ARB2A: variants seen among roughly 807,000 people sequenced by gnomAD.
ARB2A encodes the protein cotranscriptional regulator ARB2A.
the ARB2A span, among the ~76,000 whole-genome samples, chr5:93,829,192 C>A: frequency 1.1e-3 from 172 of 152,272 alleles, no homozygotes; most frequent in African/African-American, 3.4e-3. Flanking sequence ...TTCACCATTG[C>A]CCTACAAAAT....
At chr5:94,052,507 T>C in the ARB2A span, among the ~76,000 whole-genome samples, 45 of 152,224 alleles carry the variant, frequency 3.0e-4, no homozygotes, top group Middle Eastern at 3.4e-3. Flanking sequence ...GAACAACCAA[T>C]AGAAAACTAC....
chr5:94,036,140 T>C, the ARB2A span, among the ~76,000 whole-genome samples: 5 of 152,214 alleles, frequency 3.3e-5, no homozygotes, highest in South Asian at 2.1e-4. Flanking sequence ...TTTGAAGTAT[T>C]TTCTTTTTCT....
chr5:94,035,272 T>C, the ARB2A span, among the ~76,000 whole-genome samples: 1 of 109,200 alleles, frequency 9.2e-6, no homozygotes, highest in Non-Finnish European at 1.9e-5. Flanking sequence ...TATGTATGCA[T>C]TGCTACTAGG....
the ARB2A span, among the ~76,000 whole-genome samples, chr5:94,002,662 C>T: frequency 1.3e-5 from 2 of 151,808 alleles, no homozygotes; most frequent in Non-Finnish European, 2.9e-5. Flanking sequence ...AGAATAGTAA[C>T]TTCCAAACTT....
the ARB2A span, among the ~76,000 whole-genome samples, chr5:93,702,170 C>T: frequency 6.6e-6 from 1 of 152,148 alleles, no homozygotes; most frequent in African/African-American, 2.4e-5. Context: ...ACAGTAAAGA[C>T]CGTAACTTAT....
the ARB2A span, among the ~76,000 whole-genome samples, chr5:93,901,592 T>C: frequency 6.6e-6 from 1 of 152,104 alleles, no homozygotes; most frequent in Non-Finnish European, 1.5e-5. Context: ...TTTATAAAGT[T>C]TTCAATTGCA....
chr5:94,035,149 G>T, the ARB2A span, among the ~76,000 whole-genome samples: 1 of 151,074 alleles, frequency 6.6e-6, no homozygotes, highest in Admixed American at 6.6e-5. Flanking sequence ...TCTCCAAGGA[G>T]CCCTGGCTTT....
the ARB2A span, among the ~76,000 whole-genome samples, chr5:93,976,545 T>C: frequency 2.6e-5 from 4 of 152,218 alleles, no homozygotes; most frequent in East Asian, 7.7e-4. Context: ...AGTTTCCCCC[T>C]TTCTGTTCTC....
the ARB2A span, among the ~76,000 whole-genome samples, chr5:94,009,140 T>C: frequency 6.6e-6 from 1 of 152,078 alleles, no homozygotes; most frequent in South Asian, 2.1e-4. Flanking sequence ...AATATGACTT[T>C]CAGAGAATAA....
chr5:93,759,778 A>T, the ARB2A span, among the ~76,000 whole-genome samples: 1 of 152,212 alleles, frequency 6.6e-6, no homozygotes. Flanking sequence ...TGACACACCC[A>T]CAGCCAACAT....
chr5:93,866,647 C>T, the ARB2A span, among the ~76,000 whole-genome samples: 12 of 152,200 alleles, frequency 7.9e-5, no homozygotes, highest in African/African-American at 2.6e-4. Context: ...CATATACAGA[C>T]GGCCTACTTT....
At chr5:94,108,058 C>T in the ARB2A span, among the ~76,000 whole-genome samples, 1 of 152,140 alleles carries the variant, frequency 6.6e-6, no homozygotes, top group Non-Finnish European at 1.5e-5. Context: ...TGAAATCAAA[C>T]TGCTACACTG....
chr5:93,764,364 G>C, the ARB2A span, among the ~76,000 whole-genome samples: 26 of 152,188 alleles, frequency 1.7e-4, no homozygotes, highest in South Asian at 3.9e-3. Context: ...TGATAAAGGG[G>C]ATATCACCAC....
the ARB2A span, among the ~76,000 whole-genome samples, chr5:93,987,265 A>G: frequency 0.16 from 24,826 of 152,180 alleles, 2,602 homozygotes; most frequent in Non-Finnish European, 0.23. Context: ...AAGGAATAAT[A>G]AAAGAAGGAA....
the ARB2A span, among the ~76,000 whole-genome samples, chr5:93,884,291 T>A: frequency 5.3e-5 from 8 of 151,742 alleles, no homozygotes; most frequent in African/African-American, 1.9e-4. Flanking sequence ...AAACTTCAAT[T>A]TTTAGAAATC....
At chr5:93,996,103 A>T in the ARB2A span, among the ~76,000 whole-genome samples, 2 of 151,918 alleles carry the variant, frequency 1.3e-5, no homozygotes, top group Non-Finnish European at 2.9e-5. Context: ...CAACCACATC[A>T]CTTCTGAAAT....
chr5:93,634,320 A>G, the ARB2A span, among the ~76,000 whole-genome samples: 1 of 151,976 alleles, frequency 6.6e-6, no homozygotes, highest in Non-Finnish European at 1.5e-5. Flanking sequence ...GAATCGCTGG[A>G]ACCCAGGAGG....
chr5:93,851,898 G>C, the ARB2A span, among the ~76,000 whole-genome samples: 12 of 152,146 alleles, frequency 7.9e-5, no homozygotes, highest in Non-Finnish European at 1.8e-4. Flanking sequence ...ATTGTGAATA[G>C]TGCCGCAATA....
chr5:93,704,021 G>A, the ARB2A span, among the ~76,000 whole-genome samples: 3 of 152,156 alleles, frequency 2.0e-5, no homozygotes, highest in Admixed American at 6.5e-5. Context: ...TAAAGGTCGA[G>A]AGGCAGTAAG....
Sources: gnomAD v4.1 joint callset for allele counts (sites outside exome capture counted in the v4.1 genomes callset) on GRCh38, gnomAD v4.1.1 for gene constraint, MANE v1.5 for transcripts, NCBI Gene and HGNC (gene_info 2026-07-23, HGNC 2026-07-21) for gene names.